NFIC: variants seen among roughly 807,000 people sequenced by gnomAD.
The protein encoded by NFIC is nuclear factor I C, also known as nuclear factor 1 C-type.
Under a neutral mutation model 54.4 loss-of-function variants are expected in NFIC, and 12 were observed. The observed-to-expected ratio is 0.22, with a 90% CI of 0.14 to 0.36. The LOEUF (loss-of-function observed/expected upper bound fraction) is 0.36. Ranked by LOEUF, NFIC falls within the 10% of genes least tolerant of loss-of-function variation. The pLI is 1.00. For missense variants in NFIC, 575 were observed against 718.2 expected, an observed-to-expected ratio of 0.80 and a Z score of 2.28; for synonymous variants, 322 against 319.2, an observed-to-expected ratio of 1.01 and a Z score of -0.09.
chr19:3,464,837 C>A lies in NFIC; in HGVS notation c.*2068C>A. The A allele has an allele frequency of 2.2e-6, 1 of 446,714 alleles. No homozygotes were observed. Among genetic ancestry groups the A allele is most frequent in the Non-Finnish European group, 3.0e-6 (1 of 338,156 alleles). 27.7% of individuals were successfully genotyped at this position (446,714 alleles called of 1,614,324 possible). A position where few individuals can be genotyped will look rare whatever the true frequency, so the allele number is the denominator to read the frequency against. On this transcript the variant is annotated 3_prime_UTR_variant, in exon 11 of 11. Transcript: ENST00000443272. ...CTCGGGGCCCGCTCCCCCGGTGGCC[C>A]TTGGGGATCAAAGCGTGGGCCGCTC... is the stretch of plus-strand genomic sequence containing the variant.
At chr19:3,425,613 C>T (rs190205903) in intron 3 of NFIC, among the ~76,000 whole-genome samples, 2 of 152,238 alleles carry the variant, frequency 1.3e-5, no homozygotes, top group Non-Finnish European at 2.9e-5. Flanking sequence ...GTACCTGCCA[C>T]CACACCCGGC....
At position 3,462,816 on chromosome 19, in the gene NFIC, A is replaced by AG. The variant is rs1214976270; in HGVS notation, c.*52dup. ...CCTTCTCCATCGTCCCAGGAATCCC[A>AG]GGGGGCAGCACAGCCGGCCCCCGGC... On this transcript the variant is annotated 3_prime_UTR_variant, in exon 11 of 11. Transcript: ENST00000443272. The AG allele has an allele frequency of 6.2e-7, 1 of 1,613,358 alleles. No individual in the cohort carries two copies.
chr19:3,412,749 G>A (rs989609858), intron 2 of NFIC, among the ~76,000 whole-genome samples: 3 of 152,176 alleles, frequency 2.0e-5, no homozygotes, highest in African/African-American at 7.2e-5. Context: ...TAAACCATCC[G>A]TACATGCAGA....
At chr19:3,409,885 C>T (rs2081723856) in intron 2 of NFIC, among the ~76,000 whole-genome samples, 2 of 152,218 alleles carry the variant, frequency 1.3e-5, no homozygotes, top group Non-Finnish European at 2.9e-5. Flanking sequence ...AGAGACCTGG[C>T]TCCCGGCCAG....
intron 3 of NFIC, among the ~76,000 whole-genome samples, chr19:3,429,136 TACACACACACACACACACACAC>T (rs57006287): frequency 1.2e-5 from 1 of 83,874 alleles, no homozygotes; most frequent in South Asian, 4.4e-4. Flanking sequence ...AAAAAAAATA[TACACACACACACACACACACAC>T]ACACACACAC....
At chr19:3,412,807 C>A (rs1478185582) in intron 2 of NFIC, among the ~76,000 whole-genome samples, 1 of 152,210 alleles carries the variant, frequency 6.6e-6, no homozygotes, top group Non-Finnish European at 1.5e-5. Flanking sequence ...CACACCCTGA[C>A]TCCCACCTCA....
At chr19:3,400,215 C>G (rs2081534020) in intron 2 of NFIC, among the ~76,000 whole-genome samples, 1 of 152,190 alleles carries the variant, frequency 6.6e-6, no homozygotes. Context: ...GTGGCTCACA[C>G]CTGTAATCCC....
Position 3,453,791 on chromosome 19 carries a change from C to A in NFIC, c.1298C>A (p.Pro433His), listed in dbSNP as rs768252135. 2 of 1,605,648 alleles carry A rather than the reference C, an allele frequency of 1.2e-6. No individual in the cohort carries two copies. Among genetic ancestry groups the A allele is most frequent in the East Asian group, 4.6e-5 (2 of 43,914 alleles). The change falls in exon 9 of 11, where the codon CCC becomes CAC. Residue 433 changes from proline (P) to histidine (H), a missense_variant. By Grantham distance (77) the Pro-to-His change is moderately conservative (BLOSUM62 -2). Transcript: ENST00000443272. This position sits in a 1 kb window ranked among gnomAD's most constrained non-coding sequence, Gnocchi z 6.7. ...AATGGAAGTGGTCAGCTCAAAATGCCCAGCCACTGCCTTTCTGCTCAGATG... is the reference window on the plus strand; with the variant it reads ...AATGGAAGTGGTCAGCTCAAAATGCACAGCCACTGCCTTTCTGCTCAGATG... ...PLNGSGQLKM[P>H]SHCLSAQMLA...
chr19:3,439,306 C>T (rs1182262419), intron 6 of NFIC, among the ~76,000 whole-genome samples: 1 of 123,388 alleles, frequency 8.1e-6, no homozygotes, highest in Non-Finnish European at 1.6e-5. Context: ...TGCACTCCAT[C>T]CGGGGCAACA....
rs376745792 is a variant in NFIC, at chr19:3,373,123, G to A, written c.30+6457G>A. Among the ~76,000 whole-genome samples, 31 of 152,328 alleles carry A rather than the reference G, an allele frequency of 2.0e-4. 2 individuals carry two copies. Among genetic ancestry groups the A allele is most frequent in the Admixed American group, 1.4e-3 (22 of 15,300 alleles). On this transcript the variant is annotated intron_variant, in intron 1 of 10. Transcript: ENST00000443272. ...GCCTCCCAAAGTGCTGGGATTACAG[G>A]TGTGAGCCACCGCGCCCGGCCCCTA...
chr19:3,402,350 G>C (rs532300362), intron 2 of NFIC, among the ~76,000 whole-genome samples: 1 of 151,978 alleles, frequency 6.6e-6, no homozygotes, highest in Non-Finnish European at 1.5e-5. Flanking sequence ...GCGCCCAGAC[G>C]GTCCTTCCTT....
chr19:3,390,374 C>T (rs111784186), intron 2 of NFIC, among the ~76,000 whole-genome samples: 2 of 152,272 alleles, frequency 1.3e-5, no homozygotes, highest in African/African-American at 4.8e-5. Flanking sequence ...TAAAGAGGGA[C>T]GGGCAGGTGG....
Position 3,452,375 on chromosome 19 carries a change from G to T in NFIC, c.1085-107G>T. The T allele has an allele frequency of 2.1e-6, 3 of 1,405,066 alleles. No individual in the cohort carries two copies. Among genetic ancestry groups the T allele is most frequent in the Non-Finnish European group, 2.9e-6 (3 of 1,024,500 alleles). The allele number at this position is 1,405,066 out of a possible 1,614,324, so 87.0% of individuals were successfully genotyped here. A position where few individuals can be genotyped will look rare whatever the true frequency, so the allele number is the denominator to read the frequency against. ...TTTTTGGTGGTTATTGTTACTAAAC[G>T]CACTGAGATGCCGGCAGGAATGACA... is the stretch of plus-strand genomic sequence containing the variant. On this transcript the variant is annotated intron_variant, in intron 7 of 10. Transcript: ENST00000443272. The surrounding 1 kb of genome is among the most constrained non-coding windows in gnomAD (Gnocchi z 5.3).
intron 2 of NFIC, among the ~76,000 whole-genome samples, chr19:3,392,896 C>G (rs1400177305): frequency 6.6e-6 from 1 of 152,202 alleles, no homozygotes; most frequent in East Asian, 1.9e-4. Context: ...CCGAGTTGCC[C>G]AGGAAGGGCC....
chr19:3,405,415 G>A (rs938032649), intron 2 of NFIC, among the ~76,000 whole-genome samples: 2 of 152,096 alleles, frequency 1.3e-5, no homozygotes, highest in Admixed American at 1.3e-4. Context: ...GGGGTTTTAG[G>A]TCATCTGCAC....
intron 1 of NFIC, among the ~76,000 whole-genome samples, chr19:3,378,345 C>G (rs1484999604): frequency 6.6e-6 from 1 of 152,080 alleles, no homozygotes; most frequent in Non-Finnish European, 1.5e-5. Flanking sequence ...ATCCACCCAC[C>G]TCAGCCTCCC....
intron 1 of NFIC, among the ~76,000 whole-genome samples, chr19:3,372,657 G>C (rs2081040136): frequency 6.6e-6 from 1 of 150,760 alleles, no homozygotes; most frequent in Non-Finnish European, 1.5e-5. Context: ...TGCAGACCAG[G>C]TGTCACTGGA....
At position 3,463,342 on chromosome 19, in the gene NFIC, G is replaced by A. The variant is rs1026889276; in HGVS notation, c.*573G>A. On this transcript the variant is annotated 3_prime_UTR_variant, in exon 11 of 11. Coordinates refer to ENST00000443272, the MANE Select transcript of NFIC (RefSeq NM_001245002.2). Reference sequence around the variant, plus strand: ...CGAGGACGCAGCCACTGGGGGGAAAGGGAGACACAGCGGACCCCGGCCGGG... The same window carrying A: ...CGAGGACGCAGCCACTGGGGGGAAAAGGAGACACAGCGGACCCCGGCCGGG... The A allele has an allele frequency of 1.5e-5, 15 of 986,606 alleles. No individual in the cohort carries two copies. Among genetic ancestry groups the A allele is most frequent in the African/African-American group, 5.2e-5 (3 of 57,236 alleles). 61.1% of individuals were successfully genotyped at this position (986,606 alleles called of 1,614,324 possible). A position where few individuals can be genotyped will look rare whatever the true frequency, so the allele number is the denominator to read the frequency against.
intron 2 of NFIC, among the ~76,000 whole-genome samples, chr19:3,394,513 T>TGC (rs1192475558): frequency 1.1e-4 from 1 of 9,020 alleles, no homozygotes; most frequent in Admixed American, 1.6e-3. Context: ...TTATGATCTT[T>TGC]TCCCCACCCA....
Sources: gnomAD v4.1 joint callset for allele counts (sites outside exome capture counted in the v4.1 genomes callset) on GRCh38, gnomAD v4.1.1 for gene constraint, Gnocchi (gnomAD v3.1) non-coding constraint, MANE v1.5 for transcripts, NCBI Gene and HGNC (gene_info 2026-07-23, HGNC 2026-07-21) for gene names.